Variants in HS3ST5 observed in about 807,000 individuals in gnomAD.
The protein encoded by HS3ST5 is heparan sulfate-glucosamine 3-sulfotransferase 5, also known as heparan sulfate glucosamine 3-O-sulfotransferase 5.
Under a neutral mutation model 25.4 loss-of-function variants are expected in HS3ST5, and 10 were observed. The observed-to-expected ratio is 0.39, with a 90% confidence interval of 0.24 to 0.67. The LOEUF is 0.67. Ranked by LOEUF, HS3ST5 falls within the 30% of genes least tolerant of loss-of-function variation. The pLI is 0.44. For missense variants in HS3ST5, 324 were observed against 420.7 expected, an observed-to-expected ratio of 0.77 and a Z score of 2.01; for synonymous variants, 170 against 162.4, an observed-to-expected ratio of 1.05 and a Z score of -0.36.
intron 1 of HS3ST5, among the ~76,000 whole-genome samples, chr6:114,282,423 C>A (rs1774154287): frequency 1.3e-5 from 2 of 151,854 alleles, no homozygotes; most frequent in Non-Finnish European, 2.9e-5. Flanking sequence ...CCAAAATAAA[C>A]CTAACACTTC....
chr6:114,244,536 T>G (rs760271737), intron 1 of HS3ST5, among the ~76,000 whole-genome samples: 1 of 152,192 alleles, frequency 6.6e-6, no homozygotes, highest in Non-Finnish European at 1.5e-5. Flanking sequence ...ACATAAATGT[T>G]AGGTGAAATA....
rs1426024196 is a variant in HS3ST5, at chr6:114,073,841, G to A, written c.-32-10964C>T. ...AAATCATGCTACTATAAAGAGCCAT[G>A]CACACATATGTTTATTGTGGCACTA... On this transcript the variant is annotated intron_variant, in intron 3 of 4. Coordinates refer to ENST00000312719, the MANE Select transcript of HS3ST5 (RefSeq NM_153612.4). 2.6e-5 allele frequency among the ~76,000 whole-genome samples: 4 copies of A among 152,198 alleles called. No individual in the cohort carries two copies. In the East Asian group the frequency reaches 7.7e-4, roughly 29 times the overall value.
intron 3 of HS3ST5, among the ~76,000 whole-genome samples, chr6:114,155,099 T>C (rs1778638336): frequency 6.6e-6 from 1 of 152,210 alleles, no homozygotes; most frequent in South Asian, 2.1e-4. Context: ...GACGTATTTG[T>C]TGAACAAATT....
chr6:114,137,565 CT>C (rs967644683), intron 3 of HS3ST5, among the ~76,000 whole-genome samples: 1 of 152,112 alleles, frequency 6.6e-6, no homozygotes, highest in Non-Finnish European at 1.5e-5. Context: ...ATAAGAGGAC[CT>C]TTTTCAGGTG....
intron 3 of HS3ST5, among the ~76,000 whole-genome samples, chr6:114,129,894 G>C (rs551522865): frequency 6.6e-6 from 1 of 152,292 alleles, no homozygotes; most frequent in South Asian, 2.1e-4. Flanking sequence ...GTTTAGATCT[G>C]TGATAAAGCT....
chr6:114,272,680 A>G (rs554277855), intron 1 of HS3ST5, among the ~76,000 whole-genome samples: 134 of 152,138 alleles, frequency 8.8e-4, no homozygotes, highest in Non-Finnish European at 7.1e-4. Context: ...TGGGACCTCC[A>G]CAAAGACCCC....
chr6:114,257,015 G>T (rs954810291), intron 1 of HS3ST5, among the ~76,000 whole-genome samples: 4 of 152,200 alleles, frequency 2.6e-5, no homozygotes, highest in Non-Finnish European at 5.9e-5. Context: ...TGAGAACCAG[G>T]TAAAGGGGTT....
intron 3 of HS3ST5, chr6:114,084,531 C>G (rs1774672962): frequency 1.3e-6 from 1 of 759,340 alleles, no homozygotes; most frequent in Non-Finnish European, 2.4e-6. Context: ...CCGGCGTCCA[C>G]CGCATCACAC....
At chr6:114,331,636 C>T (rs766031805) in intron 1 of HS3ST5, among the ~76,000 whole-genome samples, 5 of 151,898 alleles carry the variant, frequency 3.3e-5, no homozygotes, top group African/African-American at 7.3e-5. Context: ...ATTTTTGAAA[C>T]TAATTTCTTA....
intron 3 of HS3ST5, among the ~76,000 whole-genome samples, chr6:114,155,758 G>A (rs147482827): frequency 6.6e-6 from 1 of 152,060 alleles, no homozygotes; most frequent in African/African-American, 2.4e-5. Context: ...AAACACAAAC[G>A]TCACGTACTG....
At chr6:114,324,699 C>T (rs1369693333) in intron 1 of HS3ST5, among the ~76,000 whole-genome samples, 2 of 152,166 alleles carry the variant, frequency 1.3e-5, no homozygotes, top group African/African-American at 2.4e-5. Flanking sequence ...TCTAGATGCA[C>T]AAAGTCTATC....
At chr6:114,179,977 G>A (rs1212853393) in intron 2 of HS3ST5, among the ~76,000 whole-genome samples, 2 of 151,112 alleles carry the variant, frequency 1.3e-5, no homozygotes, top group Non-Finnish European at 3.0e-5. Context: ...ATGAAGGCCA[G>A]AAGACTCAGC....
At chr6:114,294,770 T>C (rs1015093067) in intron 1 of HS3ST5, among the ~76,000 whole-genome samples, 2 of 152,222 alleles carry the variant, frequency 1.3e-5, no homozygotes, top group Non-Finnish European at 2.9e-5. Context: ...ACAATGTTAA[T>C]ACCATGCAAT....
intron 1 of HS3ST5, among the ~76,000 whole-genome samples, chr6:114,263,378 T>TATA (rs1257667782): frequency 3.3e-5 from 5 of 152,164 alleles, no homozygotes; most frequent in Non-Finnish European, 7.4e-5. Context: ...AACTCTTATA[T>TATA]GTTATCATTT....
At chr6:114,202,863 G>C (rs762409665) in intron 2 of HS3ST5, among the ~76,000 whole-genome samples, 4 of 152,156 alleles carry the variant, frequency 2.6e-5, no homozygotes, top group African/African-American at 7.2e-5. Flanking sequence ...CTCCTCAAAT[G>C]AAAACTGAAG....
intron 3 of HS3ST5, among the ~76,000 whole-genome samples, chr6:114,065,654 G>A (rs1382746128): frequency 2.0e-5 from 3 of 152,202 alleles, no homozygotes; most frequent in African/African-American, 2.4e-5. Flanking sequence ...AGGATTATGT[G>A]TCATTTGTTT....
intron 3 of HS3ST5, among the ~76,000 whole-genome samples, chr6:114,085,756 T>C (rs1249425514): frequency 6.6e-6 from 1 of 152,212 alleles, no homozygotes; most frequent in Non-Finnish European, 1.5e-5. Context: ...AGCAGCCTCA[T>C]AGATATAGTT....
chr6:114,113,702 C>T (rs1375740455), intron 3 of HS3ST5, among the ~76,000 whole-genome samples: 2 of 151,948 alleles, frequency 1.3e-5, no homozygotes, highest in Non-Finnish European at 1.5e-5. Context: ...TATCTGCCTG[C>T]CCCCACCAGA....
intron 1 of HS3ST5, among the ~76,000 whole-genome samples, chr6:114,292,675 G>T (rs1014339291): frequency 6.6e-6 from 1 of 152,318 alleles, no homozygotes; most frequent in Non-Finnish European, 1.5e-5. Flanking sequence ...GTTACTCATG[G>T]TTTGGTGGTG....
Sources: gnomAD v4.1 joint callset for allele counts (sites outside exome capture counted in the v4.1 genomes callset) on GRCh38, gnomAD v4.1.1 for gene constraint, MANE v1.5 for transcripts, NCBI Gene and HGNC (gene_info 2026-07-23, HGNC 2026-07-21) for gene names.